Variants in CAPN3 observed in about 807,000 individuals in gnomAD.
CAPN3 encodes the protein calpain 3.
A neutral mutation model predicts 114.0 loss-of-function variants in CAPN3; 88 were observed. That is an observed-to-expected ratio of 0.77 (90% CI 0.65 to 0.92). The LOEUF (loss-of-function observed/expected upper bound fraction) is 0.92, where lower values mean the gene tolerates loss of function less well. Ranked by LOEUF, CAPN3 falls within the 40% of genes least tolerant of loss-of-function variation. CAPN3 has a pLI of 0.00. For synonymous variants in CAPN3, 386 were observed against 382.9 expected, an observed-to-expected ratio of 1.01 and a Z score of -0.09; for missense variants, 1,028 against 1,069.0, an observed-to-expected ratio of 0.96 and a Z score of 0.53.
Position 42,381,131 on chromosome 15 carries a change from T to C in CAPN3, c.310-3352T>C, listed in dbSNP as rs1309250540. On this transcript the variant is annotated intron_variant, in intron 1 of 23. Coordinates refer to ENST00000397163, the MANE Select transcript of CAPN3 (RefSeq NM_000070.3). ...GCTATAATTGCCCAATACATTGTTT[T>C]TATTATGATTTAACTAAGTTACCCT... Among the ~76,000 whole-genome samples the C allele has an allele frequency of 3.3e-5, 5 of 152,276 alleles. No homozygotes were observed. The South Asian group carries it at 6.2e-4, about 19-fold the overall frequency.
At chr15:42,406,013 G>T in intron 15 of CAPN3, 70 bp downstream of exon 15, 5 of 1,326,916 alleles carry the variant, frequency 3.8e-6, no homozygotes, top group Non-Finnish European at 5.4e-6. Context: ...TGTGAAGTGT[G>T]CATGTGTGAG....
chr15:42,408,577 C>T, intron 16 of CAPN3: 1 of 470,396 alleles, frequency 2.1e-6, no homozygotes, highest in Non-Finnish European at 4.0e-6. Context: ...CTGATCCAGC[C>T]AGGATACAGA....
chr15:42,388,881 TC>T (rs774470229), intron 4 of CAPN3, 46 bp from the exon 5 acceptor site: 27 of 1,585,542 alleles, frequency 1.7e-5, no homozygotes, highest in African/African-American at 4.0e-5. Flanking sequence ...TGGGTTTTGT[TC>T]CCTGGAACTC....
chr15:42,373,482 C>T (rs2053008955), intron 1 of CAPN3, among the ~76,000 whole-genome samples: 1 of 152,232 alleles, frequency 6.6e-6, no homozygotes, highest in Non-Finnish European at 1.5e-5. Context: ...GCCTGAGTTT[C>T]CTCCCATGTC....
chr15:42,389,131 T>C (rs757321654), intron 5 of CAPN3, 35 bp downstream of exon 5: 1 of 1,605,572 alleles, frequency 6.2e-7, no homozygotes, highest in South Asian at 1.1e-5. Flanking sequence ...GGTGGGGAGC[T>C]CCAAGTGTCA....
intron 13 of CAPN3, 22 bp downstream of exon 13, chr15:42,403,024 C>T: frequency 6.2e-7 from 1 of 1,604,364 alleles, no homozygotes; most frequent in Non-Finnish European, 8.5e-7. Context: ...CCCAGCTTTC[C>T]CACGTGTTTC....
chr15:42,376,289 G>A (rs145826148), intron 1 of CAPN3, among the ~76,000 whole-genome samples: 3 of 152,144 alleles, frequency 2.0e-5, no homozygotes, highest in African/African-American at 7.2e-5. Context: ...AAGCAAGGGG[G>A]AATTGTGCTC....
At chr15:42,389,119 A>C in intron 5 of CAPN3, 23 bp downstream of exon 5, 1 of 1,611,896 alleles carries the variant, frequency 6.2e-7, no homozygotes. Flanking sequence ...TGTGGGGCAC[A>C]GGGTGGGGAG....
intron 12 of CAPN3, chr15:42,402,350 A>G (rs1472022741): frequency 6.8e-7 from 1 of 1,477,862 alleles, no homozygotes; most frequent in African/African-American, 1.4e-5. Flanking sequence ...TCTCCCTCGC[A>G]CCAGACACTG....
chr15:42,406,513 T>G (rs868463240), intron 15 of CAPN3, among the ~76,000 whole-genome samples: 1 of 151,506 alleles, frequency 6.6e-6, no homozygotes. Flanking sequence ...CTCTTTTTTT[T>G]CCCCCCCAAT....
At chr15:42,365,205 C>T in intron 1 of CAPN3, among the ~76,000 whole-genome samples, 1 of 152,160 alleles carries the variant, frequency 6.6e-6, no homozygotes, top group Admixed American at 6.5e-5. Context: ...CTGGATTAAC[C>T]CAGACTTCAG....
Position 42,360,152 on chromosome 15 carries a change from C to A in CAPN3, c.309+38C>A, listed in dbSNP as rs111792770. The A allele has an allele frequency of 8.1e-6, 13 of 1,613,032 alleles. No individual in the cohort carries two copies. The Admixed American group carries it at 8.3e-5, about 10-fold the overall frequency. On this transcript the variant is annotated intron_variant, in intron 1 of 23. Coordinates refer to ENST00000397163, the MANE Select transcript of CAPN3 (RefSeq NM_000070.3). ...CTGCTTGCTGGCTGGGTTTTCCCCC[C>A]ACGGAGGAGTCCTCTCACTCAGCAC...
At chr15:42,373,470 A>G (rs547917972) in intron 1 of CAPN3, among the ~76,000 whole-genome samples, 141 of 152,376 alleles carry the variant, frequency 9.3e-4, no homozygotes, top group African/African-American at 3.2e-3. Flanking sequence ...GCAAGCTGCC[A>G]GGCCTGAGTT....
At chr15:42,393,353 AG>A (rs1395884853) in intron 7 of CAPN3, among the ~76,000 whole-genome samples, 1 of 152,222 alleles carries the variant, frequency 6.6e-6, no homozygotes, top group Non-Finnish European at 1.5e-5. Flanking sequence ...TATATGCCAA[AG>A]CCATGGATAC....
chr15:42,411,134 G>A, intron 22 of CAPN3, 134 bp downstream of exon 22: 2 of 1,010,070 alleles, frequency 2.0e-6, no homozygotes, highest in Non-Finnish European at 1.6e-6. Flanking sequence ...CCCAGAATGG[G>A]ATGGCAAAGG....
At chr15:42,366,006 C>T (rs2052767642) in intron 1 of CAPN3, among the ~76,000 whole-genome samples, 1 of 152,172 alleles carries the variant, frequency 6.6e-6, no homozygotes, top group Non-Finnish European at 1.5e-5. Flanking sequence ...TTTCCCAAGT[C>T]TAGAAGATTC....
At chr15:42,378,553 G>C (rs2053152967) in intron 1 of CAPN3, among the ~76,000 whole-genome samples, 1 of 152,050 alleles carries the variant, frequency 6.6e-6, no homozygotes, top group African/African-American at 2.4e-5. Flanking sequence ...TGTTTAGCAT[G>C]GCTAAAGGTT....
chr15:42,375,628 A>G (rs748014520), intron 1 of CAPN3, among the ~76,000 whole-genome samples: 1 of 152,190 alleles, frequency 6.6e-6, no homozygotes, highest in Non-Finnish European at 1.5e-5. Context: ...TGAAAAAACT[A>G]TTAGAAGTAT....
chr15:42,368,666 T>A (rs77978790), intron 1 of CAPN3, among the ~76,000 whole-genome samples: 7,995 of 152,308 alleles, frequency 0.052, 650 homozygotes, highest in African/African-American at 0.17. Context: ...GTTCTCAGCG[T>A]TATTATAAAA....
Sources: allele counts gnomAD v4.1 joint callset (sites outside exome capture counted in the v4.1 genomes callset), GRCh38; gene constraint gnomAD v4.1.1; transcripts MANE v1.5; gene names NCBI Gene and HGNC (gene_info 2026-07-23, HGNC 2026-07-21).